Variants in MAGEA10 observed in about 807,000 individuals in gnomAD.
The protein encoded by MAGEA10 is MAGE family member A10, also known as melanoma-associated antigen 10.
Under a neutral mutation model 8.6 loss-of-function variants are expected in MAGEA10, and 7 were observed. The observed-to-expected ratio is 0.82, with a 90% CI of 0.46 to 1.53. MAGEA10 has a LOEUF of 1.53. MAGEA10 is among the 40% of genes most tolerant of loss of function. The pLI is 0.01. For missense variants in MAGEA10, 293 were observed against 274.0 expected, an observed-to-expected ratio of 1.07 and a Z score of -0.49; for synonymous variants, 125 against 107.4, an observed-to-expected ratio of 1.16 and a Z score of -1.02.
chrX:152,137,444 A>AGGGGGGGGGGGGGG (rs1603184059), intron 1 of MAGEA10, among the ~76,000 whole-genome samples: 1 of 1,143 alleles, frequency 8.7e-4, no homozygotes, highest in Non-Finnish European at 1.8e-3. Context: ...GGTGGTGGGC[A>AGGGGGGGGGGGGGG]GGGGAGGGGG....
Position 152,134,759 on chromosome X carries a change from C to T in MAGEA10, c.862G>A (p.Gly288Ser). 8.3e-7 allele frequency: 1 copy of T among 1,211,595 alleles called. No homozygotes were observed. The highest frequency in any genetic ancestry group is 1.1e-6 in the Non-Finnish European group (1 of 895,520). ...AACTCATACCGTGCAGGATCACTGC[C>T]AGGCACCTGCCGGTACTCCAGGTAG... ...ENYLEYRQVPGSDPARYEFLW... is the reference protein window; with the variant it reads ...ENYLEYRQVPSSDPARYEFLW... The change falls in exon 4 of 4, where the codon GGC becomes AGC. Residue 288 changes from glycine to serine, a missense_variant. Physicochemically the swap from Gly to Ser is moderately conservative, Grantham distance 56. Transcript: ENST00000370323.
At chrX:152,136,634 C>T (rs1603183466) in intron 2 of MAGEA10, among the ~76,000 whole-genome samples, 1 of 111,280 alleles carries the variant, frequency 9.0e-6, no homozygotes, top group Non-Finnish European at 1.9e-5. Flanking sequence ...TCCCCTCAGT[C>T]CTCACCTTGA....
intron 1 of MAGEA10, 124 bp from the exon 2 acceptor site, chrX:152,137,093 G>A (rs1421292467): frequency 9.0e-6 from 1 of 110,646 alleles, no homozygotes; most frequent in Non-Finnish European, 1.9e-5. Flanking sequence ...CTTCCTGCCT[G>A]TGGTAAAATT....
chrX:152,137,941 T>G (rs752983894), intron 1 of MAGEA10, among the ~76,000 whole-genome samples: 1 of 110,629 alleles, frequency 9.0e-6, no homozygotes, highest in South Asian at 4.0e-4. Context: ...GCCGCAGACC[T>G]GAGTCACCGT....
At position 152,134,197 on chromosome X, in the gene MAGEA10, T is replaced by C; in HGVS notation, c.*314A>G. ...AATTTGATGTTCTGATTCATGTATA[T>C]GTAGTATAATGATCAAATCAGGTAG... is the stretch of plus-strand genomic sequence containing the variant. On this transcript the variant is annotated 3_prime_UTR_variant, in exon 4 of 4. Coordinates refer to ENST00000370323, the MANE Select transcript of MAGEA10 (RefSeq NM_021048.5). 4.4e-6 allele frequency: 1 copy of C among 226,740 alleles called. No individual in the cohort carries two copies. The highest frequency in any genetic ancestry group is 7.4e-5 in the East Asian group (1 of 13,521). The allele number at this position is 226,740 out of a possible 1,213,427, so 18.7% of individuals were successfully genotyped here. A position where few individuals can be genotyped will look rare whatever the true frequency, so the allele number is the denominator to read the frequency against.
chrX:152,137,688 G>C (rs931523560), intron 1 of MAGEA10, among the ~76,000 whole-genome samples: 3 of 108,980 alleles, frequency 2.8e-5, no homozygotes, highest in African/African-American at 1.0e-4. Flanking sequence ...GCGGGGATCT[G>C]CTGAGTCCTC....
rs145553450 is a variant in MAGEA10 at position 152,135,601 on chromosome X, C to T, written c.20G>A (p.Arg7His). The change falls in exon 4 of 4, where the codon CGT becomes CAT. Residue 7 changes from arginine (R) to histidine (H), a missense_variant. By Grantham distance (29) the Arg-to-His change is conservative (BLOSUM62 0). Transcript: ENST00000370323. Reference protein sequence around the residue: MPRAPKRQRCMPEEDLQ... With the variant: MPRAPKHQRCMPEEDLQ... ...ATCTTCTTCAGGCATGCAGCGCTGA[C>T]GCTTTGGAGCTCGAGGCATGATGAC... 7.8e-5 allele frequency: 89 copies of T among 1,135,595 alleles called. No individual in the cohort carries two copies. Among genetic ancestry groups the T allele is most frequent in the Middle Eastern group, 2.5e-4 (1 of 3,998 alleles). The allele number at this position is 1,135,595 out of a possible 1,213,427, so 93.6% of individuals were successfully genotyped here. A position where few individuals can be genotyped will look rare whatever the true frequency, so the allele number is the denominator to read the frequency against.
rs766030985 is a variant in MAGEA10, at chrX:152,135,048, T to A, written c.573A>T (p.Val191=). The A allele has an allele frequency of 9.9e-6, 12 of 1,211,422 alleles. No homozygotes were observed. Among genetic ancestry groups the A allele is most frequent in the East Asian group, 8.9e-5 (3 of 33,842 alleles). Residue 191 remains valine (V), a synonymous_variant, in exon 4 of 4, where the codon GTA becomes GTT. Coordinates refer to ENST00000370323, the MANE Select transcript of MAGEA10 (RefSeq NM_021048.5). ...ECMLLVFGID[V]KEVDPTGHSF... ...AGTGGCCAGTGGGATCCACTTCCTTTACATCAATGCCAAAGACCAGCAGCA... is the reference window on the plus strand; with the variant it reads ...AGTGGCCAGTGGGATCCACTTCCTTAACATCAATGCCAAAGACCAGCAGCA...
intron 1 of MAGEA10, among the ~76,000 whole-genome samples, chrX:152,137,455 A>G (rs1158351975): frequency 4.8e-4 from 16 of 33,148 alleles, no homozygotes; most frequent in African/African-American, 5.4e-4. Flanking sequence ...GGGGAGGGGG[A>G]CAAGACGGGG....
At chrX:152,137,437 GGT>G (rs1453814696) in intron 1 of MAGEA10, among the ~76,000 whole-genome samples, 13 of 9,073 alleles carry the variant, frequency 1.4e-3, no homozygotes, top group African/African-American at 5.4e-3. Context: ...GGGGGGGGGT[GGT>G]GGGCAGGGGA....
At chrX:152,137,425 G>C (rs1200759360) in intron 1 of MAGEA10, among the ~76,000 whole-genome samples, 3 of 30,358 alleles carry the variant, frequency 9.9e-5, no homozygotes, top group Non-Finnish European at 2.2e-4. Context: ...TGGCGGGGGG[G>C]GGGGGGGGGG....
chrX:152,134,575 T>C lies in MAGEA10; in HGVS notation c.1046A>G (p.Asp349Gly), dbSNP rs1398559928. ...TGCACTGGCCATGGCAGTAGTATCA[T>C]CTGTGGTGGCAATTCTGTCCTGGGC... ...ERAQDRIATT[D>G]DTTAMASASS... is the part of the protein sequence containing the mutation. The change falls in exon 4 of 4, where the codon GAT becomes GGT. Residue 349 changes from aspartate to glycine, a missense_variant. Transcript: ENST00000370323. The C allele has an allele frequency of 4.1e-6, 5 of 1,207,702 alleles. No individual in the cohort carries two copies. Among genetic ancestry groups the C allele is most frequent in the Middle Eastern group, 2.3e-4 (1 of 4,344 alleles).
At position 152,134,663 on chromosome X, in the gene MAGEA10, C is replaced by A. The variant is rs769599579; in HGVS notation, c.958G>T (p.Gly320Trp). The A allele has an allele frequency of 7.4e-6, 9 of 1,210,626 alleles. No individual in the cohort carries two copies. Among genetic ancestry groups the A allele is most frequent in the Non-Finnish European group, 1.0e-5 (9 of 894,938 alleles). The change falls in exon 4 of 4, where the codon GGG becomes TGG. Residue 320 changes from glycine (G) to tryptophan (W), a missense_variant. Transcript: ENST00000370323. ...SLLKFLAKVN[G>W]SDPRSFPLWY... ...AGTGGGAAGGATCTTGGATCACTCC[C>A]ATTTACCTTGGCCAAAAATTTCAGG... is the stretch of plus-strand genomic sequence containing the variant.
At chrX:152,137,499 G>A (rs1258976345) in intron 1 of MAGEA10, among the ~76,000 whole-genome samples, 1 of 98,241 alleles carries the variant, frequency 1.0e-5, no homozygotes, top group Non-Finnish European at 2.0e-5. Flanking sequence ...CAGGTATTCA[G>A]ATTTACTCCC....
chrX:152,136,224 C>T (rs1435701830), intron 2 of MAGEA10: 4 of 111,373 alleles, frequency 3.6e-5, no homozygotes, highest in Non-Finnish European at 1.9e-5. Flanking sequence ...GGGGCTCTCA[C>T]CTTTCTCCTG....
chrX:152,134,724 A>T lies in MAGEA10; in HGVS notation c.897T>A (p.Gly299=). Residue 299 remains glycine (G), a synonymous_variant, in exon 4 of 4, where the codon GGT becomes GGA. Coordinates refer to ENST00000370323, the MANE Select transcript of MAGEA10 (RefSeq NM_021048.5). ...TCCTAATTTCAGCATGAGCCCTTGG[A>T]CCCCACAGAAACTCATACCGTGCAG... ...SDPARYEFLW[G]PRAHAEIRKM... is the part of the protein sequence containing the mutation. The T allele has an allele frequency of 8.3e-7, 1 of 1,209,134 alleles. No homozygotes were observed. Among genetic ancestry groups the T allele is most frequent in the Non-Finnish European group, 1.1e-6 (1 of 894,664 alleles).
chrX:152,138,294 CCA>C (rs2124303682), intron 1 of MAGEA10, among the ~76,000 whole-genome samples, 179 bp downstream of exon 1: 1 of 97,323 alleles, frequency 1.0e-5, no homozygotes, highest in African/African-American at 3.9e-5. Flanking sequence ...GCTCTGACTC[CCA>C]GAGTCCCCTG....
rs1936648389 is a variant in MAGEA10, at chrX:152,135,341, G to A, written c.280C>T (p.Pro94Ser). The A allele has an allele frequency of 8.3e-7, 1 of 1,210,389 alleles. No homozygotes were observed. The highest frequency in any genetic ancestry group is 1.1e-6 in the Non-Finnish European group (1 of 894,974). ...PQSAQIACSSPSVVASLPLDQ... is the reference protein window; with the variant it reads ...PQSAQIACSSSSVVASLPLDQ... ...AATGGAAGGGAAGCAACGACCGAGG[G>A]GGAGGAGCAGGCTATCTGAGCACTC... The change falls in exon 4 of 4, where the codon CCC becomes TCC. Residue 94 changes from proline (P) to serine (S), a missense_variant. Physicochemically the swap from Pro to Ser is moderately conservative, Grantham distance 74. Transcript: ENST00000370323.
At chrX:152,136,299 G>A (rs1178322642) in intron 2 of MAGEA10, among the ~76,000 whole-genome samples, 1 of 111,570 alleles carries the variant, frequency 9.0e-6, no homozygotes, top group Non-Finnish European at 1.9e-5. Context: ...TTACATCCCT[G>A]ATACGAAATA....
Sources: allele counts gnomAD v4.1 joint callset (sites outside exome capture counted in the v4.1 genomes callset), GRCh38; gene constraint gnomAD v4.1.1; transcripts MANE v1.5; gene names NCBI Gene and HGNC (gene_info 2026-07-23, HGNC 2026-07-21).